ARHGEF10: variants seen among roughly 807,000 people sequenced by gnomAD.
ARHGEF10 encodes Rho guanine nucleotide exchange factor (GEF) 10.
A neutral mutation model predicts 147.4 loss-of-function variants in ARHGEF10; 140 were observed. That is an observed-to-expected ratio of 0.95 (90% confidence interval 0.83 to 1.09). ARHGEF10 has a LOEUF of 1.09. ARHGEF10 is among the 50% of genes least tolerant of loss of function. ARHGEF10 has a pLI of 0.00. For synonymous variants in ARHGEF10, 902 were observed against 695.8 expected (o/e 1.30, Z -4.67); for missense variants, 2,222 against 1,752.7 (o/e 1.27, Z -4.78).
intron 14 of ARHGEF10, among the ~76,000 whole-genome samples, chr8:1,898,191 G>A (rs1810165674): frequency 6.6e-6 from 1 of 152,186 alleles, no homozygotes; most frequent in Non-Finnish European, 1.5e-5. Flanking sequence ...CTGGCCCGGG[G>A]AATTCACCCC....
intron 17 of ARHGEF10, 25 bp downstream of exon 17, chr8:1,905,741 A>G: frequency 6.2e-7 from 1 of 1,611,538 alleles, no homozygotes; most frequent in Non-Finnish European, 8.5e-7. Context: ...TCTCTATAGT[A>G]GTCCTACCAT....
chr8:1,888,065 T>G (rs565334173), intron 11 of ARHGEF10, among the ~76,000 whole-genome samples: 19 of 119,068 alleles, frequency 1.6e-4, no homozygotes, highest in African/African-American at 6.4e-4. Flanking sequence ...GTGAGTGGGA[T>G]GAGGGTTTAT....
chr8:1,879,484 A>G (rs1807990465), intron 8 of ARHGEF10, among the ~76,000 whole-genome samples: 1 of 152,076 alleles, frequency 6.6e-6, no homozygotes, highest in East Asian at 1.9e-4. Context: ...TAGCACAGAG[A>G]AGACCCTAGC....
intron 2 of ARHGEF10, among the ~76,000 whole-genome samples, chr8:1,844,465 T>TCACCGGGGCCTGGTGGACGACAGAGATGG (rs1329433075): frequency 1.5e-4 from 22 of 151,460 alleles, no homozygotes; most frequent in South Asian, 2.1e-4. Flanking sequence ...AATCCAGGGG[T>TCACCGGGGCCTGGTGGACGACAGAGATGG]GAGCAGTGGC....
In ARHGEF10 at chr8:1,928,439, A is replaced by T; in HGVS notation, c.2710A>T (p.Thr904Ser). 6.2e-7 allele frequency: 1 copy of T among 1,614,026 alleles called. No homozygotes were observed. Among genetic ancestry groups the T allele is most frequent in the Non-Finnish European group, 8.5e-7 (1 of 1,179,970 alleles). ...TTCTCTGATTCAGATCGGAAGTTGC[A>T]CCCATCAAATGGGTCAGATTGCCAT... ...AHGFLWIGSC[T>S]HQMGQIAIVS... The change falls in exon 24 of 29, where the codon ACC (threonine) becomes TCC (serine). Residue 904 changes from threonine to serine, a missense_variant. Transcript: ENST00000349830.
chr8:1,853,477 C>CT (rs1192184606), intron 2 of ARHGEF10, among the ~76,000 whole-genome samples: 3 of 152,242 alleles, frequency 2.0e-5, no homozygotes, highest in African/African-American at 7.2e-5. Context: ...CCTTGAGCAT[C>CT]TTTTCTAGTT....
intron 10 of ARHGEF10, among the ~76,000 whole-genome samples, 178 bp from the exon 11 acceptor site, chr8:1,885,423 G>C (rs1259336269): frequency 6.6e-6 from 1 of 152,026 alleles, no homozygotes; most frequent in Non-Finnish European, 1.5e-5. Context: ...TTACCCTCTG[G>C]AAAGAATATT....
At chr8:1,905,875 C>G (rs1172701043) in intron 17 of ARHGEF10, among the ~76,000 whole-genome samples, 159 bp downstream of exon 17, 1 of 152,132 alleles carries the variant, frequency 6.6e-6, no homozygotes, top group African/African-American at 2.4e-5. Context: ...AATAAGCAAG[C>G]TTATTTTTAA....
At chr8:1,844,583 C>T (rs1450433621) in intron 2 of ARHGEF10, among the ~76,000 whole-genome samples, 1 of 152,018 alleles carries the variant, frequency 6.6e-6, no homozygotes, top group Non-Finnish European at 1.5e-5. Context: ...TCCTGGAGTT[C>T]TCCGGAGCCG....
At chr8:1,917,940 G>A (rs1454003228) in intron 18 of ARHGEF10, among the ~76,000 whole-genome samples, 1 of 151,328 alleles carries the variant, frequency 6.6e-6, no homozygotes, top group Middle Eastern at 3.2e-3. Context: ...CACCATGCCT[G>A]GCTAATTTTT....
Position 1,945,670 on chromosome 8 carries a change from C to T in ARHGEF10, c.3397+15C>T, listed in dbSNP as rs369402675. 67 of 1,613,942 alleles carry T rather than the reference C, an allele frequency of 4.2e-5. No homozygotes were observed. The highest frequency in any genetic ancestry group is 4.8e-5 in the Non-Finnish European group (57 of 1,179,988). On this transcript the variant is annotated intron_variant, in intron 27 of 28. Coordinates refer to ENST00000349830, the MANE Select transcript of ARHGEF10 (RefSeq NM_014629.4). ...CATGCTGCCAGGTAAGGGGACGGGA[C>T]GGGGCCCAGGGATGGGACAGCAACC...
At chr8:1,864,591 C>G (rs1467451542) in intron 5 of ARHGEF10, among the ~76,000 whole-genome samples, 155 bp downstream of exon 5, 1 of 152,160 alleles carries the variant, frequency 6.6e-6, no homozygotes, top group African/African-American at 2.4e-5. Context: ...CCCTCCCAGG[C>G]GAGTGTCCCT....
intron 22 of ARHGEF10, 39 bp downstream of exon 22, chr8:1,925,443 A>G (rs1255203850): frequency 6.2e-7 from 1 of 1,611,754 alleles, no homozygotes; most frequent in African/African-American, 1.3e-5. Flanking sequence ...GGTGGGACGC[A>G]CCTCGCAGCT....
At chr8:1,932,943 T>G (rs1813271484) in intron 25 of ARHGEF10, among the ~76,000 whole-genome samples, 1 of 152,258 alleles carries the variant, frequency 6.6e-6, no homozygotes, top group South Asian at 2.1e-4. Context: ...ATGGTTAGAC[T>G]GAGAATTGAA....
Position 1,952,737 on chromosome 8 carries a change from G to C in ARHGEF10, c.3430G>C (p.Val1144Leu), listed in dbSNP as rs138367297. The change falls in exon 28 of 29, where the codon GTC (valine) becomes CTC (leucine). Residue 1144 changes from valine (V) to leucine (L), a missense_variant. Coordinates refer to ENST00000349830, the MANE Select transcript of ARHGEF10 (RefSeq NM_014629.4). ...GCGGCTGTCGGTGACGAGCCTGCTC[G>C]TCTGCCACGGATTGCTGATGGTCGG... is the stretch of plus-strand genomic sequence containing the variant. ...HQRLSVTSLL[V>L]CHGLLMVGTS... The C allele has an allele frequency of 6.8e-6, 11 of 1,613,284 alleles. No individual in the cohort carries two copies. The highest frequency in any genetic ancestry group is 1.1e-5 in the South Asian group (1 of 91,080).
chr8:1,948,843 G>A lies in ARHGEF10; in HGVS notation c.3397+3188G>A, dbSNP rs992253523. On this transcript the variant is annotated intron_variant, in intron 27 of 28. Coordinates refer to ENST00000349830, the MANE Select transcript of ARHGEF10 (RefSeq NM_014629.4). The surrounding 1 kb of genome is among the most constrained non-coding windows in gnomAD (Gnocchi z 4.9). ...ATTCCGGTGGGGGCATGCTCATACC[G>A]TGCTGAAGTGCGCGGATGCTGAGGT... 2.0e-5 allele frequency among the ~76,000 whole-genome samples: 3 copies of A among 152,020 alleles called. No homozygotes were observed. Among genetic ancestry groups the A allele is most frequent in the Non-Finnish European group, 2.9e-5 (2 of 68,018 alleles).
chr8:1,927,941 A>C (rs1394850826), intron 23 of ARHGEF10, among the ~76,000 whole-genome samples: 2 of 152,096 alleles, frequency 1.3e-5, no homozygotes, highest in Non-Finnish European at 2.9e-5. Context: ...ACTGTCTCCA[A>C]AAAAAAGAAA....
At chr8:1,854,884 G>T (rs184895177) in intron 2 of ARHGEF10, among the ~76,000 whole-genome samples, 1 of 152,140 alleles carries the variant, frequency 6.6e-6, no homozygotes, top group Admixed American at 6.5e-5. Flanking sequence ...AACGCATGCG[G>T]TTCTTCTCAG....
At chr8:1,869,583 A>G (rs1806918303) in intron 7 of ARHGEF10, 2 of 450,046 alleles carry the variant, frequency 4.4e-6, no homozygotes, top group Non-Finnish European at 8.2e-6. Context: ...GAGAAAGTAG[A>G]GAGAATCAGG....
Sources: allele counts gnomAD v4.1 joint callset (sites outside exome capture counted in the v4.1 genomes callset), GRCh38; gene constraint gnomAD v4.1.1; non-coding constraint Gnocchi (gnomAD v3.1); transcripts MANE v1.5; gene names NCBI Gene and HGNC (gene_info 2026-07-23, HGNC 2026-07-21).